The following VPS13B variants were observed in gnomAD, a reference collection of about 807,000 sequenced individuals.
VPS13B encodes intermembrane lipid transfer protein VPS13B.
In VPS13B, 285 loss-of-function variants were observed where a neutral mutation model predicts 426.4. That is an observed-to-expected ratio of 0.67 (90% CI 0.61 to 0.74). The LOEUF (loss-of-function observed/expected upper bound fraction) is 0.74, where lower values mean the gene tolerates loss of function less well. Ranked by LOEUF, VPS13B falls within the 30% of genes least tolerant of loss-of-function variation. The pLI is 0.00. For missense variants in VPS13B, 4,537 were observed against 4,782.6 expected (o/e 0.95, Z 1.51); for synonymous variants, 1,676 against 1,676.4 (o/e 1.00, Z 0.01).
intron 36 of VPS13B, among the ~76,000 whole-genome samples, chr8:99,705,662 T>C (rs1832469773): frequency 6.6e-6 from 1 of 152,188 alleles, no homozygotes; most frequent in South Asian, 2.1e-4. Flanking sequence ...CTACATCTTT[T>C]ATTTTGAGGT....
At chr8:99,613,152 G>A (rs965207803) in intron 33 of VPS13B, among the ~76,000 whole-genome samples, 2 of 152,154 alleles carry the variant, frequency 1.3e-5, no homozygotes. Flanking sequence ...CAAGTTCAAA[G>A]TCTGATTCAT....
At chr8:99,137,108 A>G (rs958413435) in intron 12 of VPS13B, among the ~76,000 whole-genome samples, 1 of 152,126 alleles carries the variant, frequency 6.6e-6, no homozygotes, top group Non-Finnish European at 1.5e-5. Context: ...TTTTTAATTA[A>G]AAAGAATGTG....
chr8:99,671,645 G>T (rs562345704), intron 35 of VPS13B, among the ~76,000 whole-genome samples: 7 of 152,016 alleles, frequency 4.6e-5, no homozygotes. Flanking sequence ...GAAGCTTTTG[G>T]GTTTGTTTGT....
At position 99,311,630 on chromosome 8, in the gene VPS13B, G is replaced by A. The variant is rs527801191; in HGVS notation, c.2824+36376G>A. Among the ~76,000 whole-genome samples, 19 of 152,274 alleles carry A rather than the reference G, an allele frequency of 1.2e-4. No individual in the cohort carries two copies. In the South Asian group the frequency reaches 3.3e-3, roughly 27 times the overall value. On this transcript the variant is annotated intron_variant, in intron 19 of 61. Transcript: ENST00000357162. ...TGGAATAAGTGTGCTGTGGTGCTGA[G>A]AAGAATGTATATTCTGTTGATTTGG...
intron 19 of VPS13B, among the ~76,000 whole-genome samples, chr8:99,336,209 G>A (rs541905054): frequency 3.4e-4 from 52 of 151,862 alleles, no homozygotes; most frequent in African/African-American, 4.6e-4. Flanking sequence ...AAATAACGCC[G>A]CATATCTACA....
At chr8:99,475,027 T>C (rs748921718) in intron 24 of VPS13B, among the ~76,000 whole-genome samples, 4 of 152,178 alleles carry the variant, frequency 2.6e-5, no homozygotes, top group Non-Finnish European at 5.9e-5. Flanking sequence ...GGCTGAATTA[T>C]TGATAAAATG....
chr8:99,111,140 G>A lies in VPS13B; in HGVS notation c.623G>A (p.Cys208Tyr), dbSNP rs1209535812. ...AGAAAGGTTATCAATTTTTCTGACT[G>A]TACAGTTTGTCTTGATAAACGGAAT... is the stretch of plus-strand genomic sequence containing the variant. Reference protein sequence around the residue: ...VLRKVINFSDCTVCLDKRNAS... With the variant: ...VLRKVINFSDYTVCLDKRNAS... Residue 208 changes from cysteine (C) to tyrosine (Y), a missense_variant, in exon 6 of 62, where the codon TGT becomes TAT. Around this residue, in one of 2 missense-constraint regions of VPS13B, gnomAD observed 226 missense variants for 308.3 expected, o/e 0.73. Transcript: ENST00000357162. 5.6e-6 allele frequency: 9 copies of A among 1,605,146 alleles called. No homozygotes were observed. The highest frequency in any genetic ancestry group is 7.7e-6 in the Non-Finnish European group (9 of 1,175,696).
chr8:99,847,984 C>A (rs925820271), intron 54 of VPS13B, among the ~76,000 whole-genome samples: 4 of 152,118 alleles, frequency 2.6e-5, no homozygotes, highest in African/African-American at 4.8e-5. Context: ...TCAGAACCAG[C>A]CTTCCCAAGC....
chr8:99,523,860 A>G (rs1563775410), intron 30 of VPS13B, among the ~76,000 whole-genome samples: 1 of 152,160 alleles, frequency 6.6e-6, no homozygotes, highest in Admixed American at 6.5e-5. Flanking sequence ...CATCAAAACC[A>G]TTGAGGAAAA....
chr8:99,564,664 C>T (rs1369199721), intron 31 of VPS13B, among the ~76,000 whole-genome samples: 2 of 152,196 alleles, frequency 1.3e-5, no homozygotes, highest in Admixed American at 1.3e-4. Context: ...GCTATTATTT[C>T]CCTCCATCTT....
intron 39 of VPS13B, among the ~76,000 whole-genome samples, chr8:99,741,881 T>G (rs1392283128): frequency 6.6e-6 from 1 of 152,110 alleles, no homozygotes; most frequent in African/African-American, 2.4e-5. Context: ...AGGAAAGATC[T>G]AAAATTGACA....
chr8:99,354,851 C>A (rs1052666414), intron 19 of VPS13B, among the ~76,000 whole-genome samples: 6 of 152,034 alleles, frequency 3.9e-5, no homozygotes, highest in Non-Finnish European at 8.8e-5. Flanking sequence ...CATGCAAGGC[C>A]CCAGCAGTCT....
chr8:99,610,557 G>T (rs1263596229), intron 33 of VPS13B, among the ~76,000 whole-genome samples: 2 of 151,692 alleles, frequency 1.3e-5, no homozygotes, highest in Admixed American at 1.3e-4. Context: ...TGGACTCGGG[G>T]AGGGGAACAT....
At chr8:99,306,371 G>T (rs1209288101) in intron 19 of VPS13B, among the ~76,000 whole-genome samples, 2 of 151,972 alleles carry the variant, frequency 1.3e-5, no homozygotes, top group Non-Finnish European at 2.9e-5. Flanking sequence ...TATTTTAGGG[G>T]TATTTGACTA....
intron 35 of VPS13B, among the ~76,000 whole-genome samples, chr8:99,666,589 C>T (rs1830496439): frequency 6.6e-6 from 1 of 152,046 alleles, no homozygotes; most frequent in African/African-American, 2.4e-5. Context: ...GCAGAAAAGG[C>T]CTTTGACAAA....
intron 19 of VPS13B, among the ~76,000 whole-genome samples, chr8:99,378,074 G>A (rs549614584): frequency 7.6e-5 from 11 of 145,488 alleles, no homozygotes; most frequent in Admixed American, 1.5e-4. Context: ...AGGCCAGGAC[G>A]TGTTTCATCC....
intron 39 of VPS13B, among the ~76,000 whole-genome samples, chr8:99,747,919 T>C (rs887991222): frequency 4.6e-5 from 7 of 152,156 alleles, no homozygotes; most frequent in East Asian, 3.9e-4. Context: ...AGGTTCCTGA[T>C]TGACTATTCT....
chr8:99,817,816 G>A lies in VPS13B; in HGVS notation c.8361+13G>A, dbSNP rs757732868. On this transcript the variant is annotated intron_variant, in intron 45 of 61. Transcript: ENST00000357162. ...CATTGTCATTCAGGTTTGAAAAGAC[G>A]TTCAATCTAGAATAGAGCAGCTTTA... The A allele has an allele frequency of 3.0e-5, 48 of 1,613,974 alleles. No individual in the cohort carries two copies. The highest frequency in any genetic ancestry group is 4.0e-5 in the African/African-American group (3 of 75,028).
chr8:99,444,105 T>A (rs1231914707), intron 23 of VPS13B, among the ~76,000 whole-genome samples: 2 of 152,066 alleles, frequency 1.3e-5, no homozygotes, highest in African/African-American at 2.4e-5. Flanking sequence ...TTTTCTTTTT[T>A]TTCTTTTTTT....
Sources: allele counts gnomAD v4.1 joint callset (sites outside exome capture counted in the v4.1 genomes callset), GRCh38; gene constraint gnomAD v4.1.1; regional missense constraint gnomAD v4.1.1; transcripts MANE v1.5; gene names NCBI Gene and HGNC (gene_info 2026-07-23, HGNC 2026-07-21).